BTBD9: variants seen among roughly 807,000 people sequenced by gnomAD.
The protein encoded by BTBD9 is BTB/POZ domain-containing protein 9.
In BTBD9, 49 loss-of-function variants were observed where a neutral mutation model predicts 64.3. That is an observed-to-expected ratio of 0.76 (90% confidence interval 0.61 to 0.97). The LOEUF (loss-of-function observed/expected upper bound fraction) is 0.97. BTBD9 is among the 50% of genes least tolerant of loss of function. The probability of loss-of-function intolerance (pLI) is 0.00; values close to 1 mark genes in which losing one functional copy is unlikely to be tolerated. For missense variants in BTBD9, 598 were observed against 762.1 expected (o/e 0.78, Z 2.53); for synonymous variants, 260 against 274.7 (o/e 0.95, Z 0.53).
intron 7 of BTBD9, among the ~76,000 whole-genome samples, chr6:38,344,699 C>T (rs748464046): frequency 2.7e-4 from 41 of 152,166 alleles, no homozygotes; most frequent in Non-Finnish European, 5.0e-4. Context: ...AGGGGCTTCA[C>T]CTGACTATCA....
At chr6:38,191,989 T>C (rs1762093724) in intron 10 of BTBD9, among the ~76,000 whole-genome samples, 1 of 152,196 alleles carries the variant, frequency 6.6e-6, no homozygotes, top group Non-Finnish European at 1.5e-5. Flanking sequence ...CACAGAAAGG[T>C]AAAATTGCAG....
At chr6:38,365,499 T>C (rs908907844) in intron 6 of BTBD9, among the ~76,000 whole-genome samples, 5 of 152,158 alleles carry the variant, frequency 3.3e-5, no homozygotes, top group Non-Finnish European at 7.3e-5. Context: ...CTCAACACTT[T>C]GGGAGGCCAA....
chr6:38,633,437 G>A (rs938121468), intron 1 of BTBD9, among the ~76,000 whole-genome samples: 1 of 152,014 alleles, frequency 6.6e-6, no homozygotes, highest in African/African-American at 2.4e-5. Context: ...ATATAGAAAG[G>A]GCCTTGCATA....
intron 6 of BTBD9, among the ~76,000 whole-genome samples, chr6:38,548,574 G>A (rs1419054816): frequency 1.3e-5 from 2 of 151,246 alleles, no homozygotes; most frequent in Non-Finnish European, 2.9e-5. Context: ...AAAGAATAGA[G>A]CAATTTCAAA....
intron 9 of BTBD9, among the ~76,000 whole-genome samples, chr6:38,235,605 A>G (rs1763749848): frequency 6.6e-6 from 1 of 152,214 alleles, no homozygotes; most frequent in Non-Finnish European, 1.5e-5. Flanking sequence ...TGCTCATCTT[A>G]GCAGCTCATG....
At chr6:38,367,530 T>C (rs1041469932) in intron 6 of BTBD9, among the ~76,000 whole-genome samples, 1 of 152,038 alleles carries the variant, frequency 6.6e-6, no homozygotes, top group Admixed American at 6.5e-5. Context: ...TTAGATCTGG[T>C]GTCATGTTTG....
intron 9 of BTBD9, among the ~76,000 whole-genome samples, chr6:38,205,514 C>T (rs1004782614): frequency 2.0e-5 from 3 of 152,022 alleles, no homozygotes; most frequent in Admixed American, 6.6e-5. Context: ...AAAAAATTCA[C>T]CTTCATCCTC....
chr6:38,339,652 A>AG (rs1764027477), intron 7 of BTBD9, among the ~76,000 whole-genome samples: 1 of 152,204 alleles, frequency 6.6e-6, no homozygotes, highest in Non-Finnish European at 1.5e-5. Flanking sequence ...AAACTAAAGG[A>AG]GGAAAAAAAG....
intron 6 of BTBD9, among the ~76,000 whole-genome samples, chr6:38,400,797 A>T (rs1432756105): frequency 6.6e-6 from 1 of 152,186 alleles, no homozygotes; most frequent in Non-Finnish European, 1.5e-5. Context: ...CTTTAAAATA[A>T]TTTTTTAAAA....
chr6:38,218,680 A>C (rs1763093630), intron 9 of BTBD9, among the ~76,000 whole-genome samples: 1 of 152,158 alleles, frequency 6.6e-6, no homozygotes, highest in Non-Finnish European at 1.5e-5. Context: ...TAAATCCTGA[A>C]GTTGAATGTG....
intron 6 of BTBD9, among the ~76,000 whole-genome samples, chr6:38,539,222 G>A (rs968142727): frequency 3.3e-5 from 5 of 152,096 alleles, no homozygotes; most frequent in South Asian, 2.1e-4. Flanking sequence ...ATGAGCCACC[G>A]CACCCAGTCC....
intron 6 of BTBD9, among the ~76,000 whole-genome samples, chr6:38,383,065 T>C (rs1190786722): frequency 1.3e-5 from 2 of 152,114 alleles, no homozygotes; most frequent in African/African-American, 4.8e-5. Context: ...AAAACAAAAT[T>C]AGACAAGCAC....
intron 10 of BTBD9, among the ~76,000 whole-genome samples, chr6:38,175,478 C>T (rs1273483310): frequency 2.6e-5 from 4 of 152,200 alleles, no homozygotes; most frequent in African/African-American, 4.8e-5. Flanking sequence ...TTTTGCCAAC[C>T]TTTGTCTAAT....
chr6:38,439,751 T>C (rs1582433732), intron 6 of BTBD9, among the ~76,000 whole-genome samples: 1 of 152,116 alleles, frequency 6.6e-6, no homozygotes, highest in East Asian at 1.9e-4. Flanking sequence ...TAATTTGGGC[T>C]TCAATTTTAA....
At chr6:38,340,668 C>T (rs913082510) in intron 7 of BTBD9, among the ~76,000 whole-genome samples, 1 of 152,066 alleles carries the variant, frequency 6.6e-6, no homozygotes, top group East Asian at 1.9e-4. Context: ...TTTTCCTGAG[C>T]GAATTGTATC....
chr6:38,477,519 A>G (rs1463103623), intron 6 of BTBD9, among the ~76,000 whole-genome samples: 1 of 92,380 alleles, frequency 1.1e-5, no homozygotes, highest in Non-Finnish European at 2.5e-5. Context: ...AGTTATCTTT[A>G]TCTGAAATGC....
intron 6 of BTBD9, among the ~76,000 whole-genome samples, chr6:38,464,828 G>A (rs1304877364): frequency 6.6e-6 from 1 of 152,056 alleles, no homozygotes; most frequent in Non-Finnish European, 1.5e-5. Flanking sequence ...ATCTTTGTCT[G>A]GTTTTGGAAG....
chr6:38,259,480 G>A (rs556075752), intron 8 of BTBD9, among the ~76,000 whole-genome samples: 51 of 152,268 alleles, frequency 3.3e-4, no homozygotes, highest in Admixed American at 1.3e-3. Context: ...ATAGCTCACT[G>A]CAGCCTCAAA....
chr6:38,258,208 A>T (rs555681682), intron 8 of BTBD9, among the ~76,000 whole-genome samples: 150 of 151,428 alleles, frequency 9.9e-4, no homozygotes, highest in African/African-American at 3.5e-3. Context: ...CTGGTCTCGA[A>T]CTCCTGACCT....
Sources: allele counts gnomAD v4.1 joint callset (sites outside exome capture counted in the v4.1 genomes callset), GRCh38; gene constraint gnomAD v4.1.1; transcripts MANE v1.5; gene names NCBI Gene and HGNC (gene_info 2026-07-23, HGNC 2026-07-21).